CNTNAP2: variants seen among roughly 807,000 people sequenced by gnomAD.
CNTNAP2 encodes contactin associated protein 2.
Under a neutral mutation model 155.2 loss-of-function variants are expected in CNTNAP2, and 98 were observed. The observed-to-expected ratio is 0.63, with a 90% CI of 0.54 to 0.75. The LOEUF is 0.75. Ranked by LOEUF, CNTNAP2 falls within the 30% of genes least tolerant of loss-of-function variation. CNTNAP2 has a pLI of 0.00. For synonymous variants in CNTNAP2, 651 were observed against 631.2 expected, an observed-to-expected ratio of 1.03 and a Z score of -0.47; for missense variants, 1,727 against 1,688.1, an observed-to-expected ratio of 1.02 and a Z score of -0.40.
chr7:147,044,018 A>G lies in CNTNAP2; in HGVS notation c.514A>G (p.Ile172Val), dbSNP rs755330362. 1.2e-6 allele frequency: 2 copies of G among 1,614,172 alleles called. No individual in the cohort carries two copies. Among genetic ancestry groups the G allele is most frequent in the East Asian group, 2.2e-5 (1 of 44,874 alleles). Residue 172 changes from isoleucine to valine, a missense_variant, in exon 4 of 24, where the codon ATT (isoleucine) becomes GTT (valine). By Grantham distance (29) the Ile-to-Val change is conservative (BLOSUM62 3). Coordinates refer to ENST00000361727, the MANE Select transcript of CNTNAP2 (RefSeq NM_014141.6). ...TCTGGATTGGAATGGAGAAGGTCGC[A>G]TTGGACTCAGAATTGAAGTTTATGG... Reference protein sequence around the residue: ...VPLDWNGEGRIGLRIEVYGCS... With the variant: ...VPLDWNGEGRVGLRIEVYGCS...
chr7:147,787,765 C>T (rs1464972108), intron 13 of CNTNAP2, among the ~76,000 whole-genome samples: 2 of 152,158 alleles, frequency 1.3e-5, no homozygotes, highest in Non-Finnish European at 2.9e-5. Flanking sequence ...TAGGCAGCCA[C>T]ATTAGGCAAT....
intron 1 of CNTNAP2, among the ~76,000 whole-genome samples, chr7:146,518,611 G>A (rs1196141922): frequency 1.3e-5 from 2 of 151,634 alleles, no homozygotes; most frequent in Admixed American, 1.3e-4. Context: ...GAAAATATTA[G>A]CAAAAAATTT....
At chr7:146,712,391 A>AGTATACATATTTTATG (rs1293782028) in intron 1 of CNTNAP2, among the ~76,000 whole-genome samples, 1 of 132,170 alleles carries the variant, frequency 7.6e-6, no homozygotes. Flanking sequence ...TATACTATAT[A>AGTATACATATTTTATG]TATAAATAAA....
intron 12 of CNTNAP2, among the ~76,000 whole-genome samples, chr7:147,596,475 C>T (rs193241019): frequency 1.3e-5 from 2 of 152,198 alleles, no homozygotes; most frequent in East Asian, 3.9e-4. Context: ...GATTGTTTTG[C>T]TTCCCTGCTT....
At chr7:146,689,664 T>C (rs1800664069) in intron 1 of CNTNAP2, among the ~76,000 whole-genome samples, 1 of 152,142 alleles carries the variant, frequency 6.6e-6, no homozygotes, top group African/African-American at 2.4e-5. Context: ...TGATGAAATA[T>C]AACAAATTGA....
chr7:146,617,634 C>T (rs1187625900), intron 1 of CNTNAP2, among the ~76,000 whole-genome samples: 4 of 152,114 alleles, frequency 2.6e-5, no homozygotes, highest in Non-Finnish European at 5.9e-5. Flanking sequence ...GAACCGTTTA[C>T]GTTTTTGGCC....
At chr7:147,697,699 C>T (rs1412883335) in intron 13 of CNTNAP2, among the ~76,000 whole-genome samples, 1 of 152,124 alleles carries the variant, frequency 6.6e-6, no homozygotes, top group African/African-American at 2.4e-5. Context: ...GAGACCACAG[C>T]TGTGCATTTC....
chr7:146,201,081 A>AT (rs1798852876), intron 1 of CNTNAP2, among the ~76,000 whole-genome samples: 1 of 152,100 alleles, frequency 6.6e-6, no homozygotes, highest in East Asian at 1.9e-4. Context: ...GCAAAATGAG[A>AT]TTTTCCATAT....
intron 3 of CNTNAP2, among the ~76,000 whole-genome samples, chr7:146,958,407 G>GTTTTTTTTTTTT (rs71165054): frequency 1.3e-5 from 1 of 78,032 alleles, no homozygotes; most frequent in Non-Finnish European, 2.3e-5. Context: ...CATTTTTATG[G>GTTTTTTTTTTTT]TTTTTTTTTT....
At chr7:147,378,579 T>C (rs927412914) in intron 9 of CNTNAP2, among the ~76,000 whole-genome samples, 1 of 151,992 alleles carries the variant, frequency 6.6e-6, no homozygotes, top group Non-Finnish European at 1.5e-5. Flanking sequence ...CTGGAGATAG[T>C]TGAATGATGG....
chr7:147,775,685 A>G (rs1797573946), intron 13 of CNTNAP2, among the ~76,000 whole-genome samples: 1 of 151,832 alleles, frequency 6.6e-6, no homozygotes, highest in South Asian at 2.1e-4. Context: ...CTCAAAAGCT[A>G]TTATGAGCCT....
chr7:146,888,569 C>G (rs1585140275), intron 3 of CNTNAP2, among the ~76,000 whole-genome samples: 1 of 151,812 alleles, frequency 6.6e-6, no homozygotes, highest in Non-Finnish European at 1.5e-5. Context: ...TTCCTAGGAC[C>G]TTTTTCACTT....
chr7:146,481,565 C>G (rs1401655423), intron 1 of CNTNAP2, among the ~76,000 whole-genome samples: 1 of 152,208 alleles, frequency 6.6e-6, no homozygotes, highest in East Asian at 1.9e-4. Context: ...ACCTCCTCAT[C>G]ATCATCATTG....
intron 2 of CNTNAP2, among the ~76,000 whole-genome samples, chr7:146,823,302 T>A (rs1233440967): frequency 6.7e-6 from 1 of 149,916 alleles, no homozygotes; most frequent in African/African-American, 2.4e-5. Flanking sequence ...TTCTTCAGTA[T>A]AATTACATGT....
At chr7:148,261,319 C>A (rs62472772) in intron 20 of CNTNAP2, among the ~76,000 whole-genome samples, 31,931 of 151,986 alleles carry the variant, frequency 0.21, 4,457 homozygotes, top group East Asian at 0.57. Flanking sequence ...CACCACCATG[C>A]CCGGCTAATT....
chr7:148,195,860 G>A (rs1287737468), intron 18 of CNTNAP2, among the ~76,000 whole-genome samples: 2 of 151,820 alleles, frequency 1.3e-5, no homozygotes, highest in Non-Finnish European at 2.9e-5. Flanking sequence ...TATTTCCTGA[G>A]CAATTGAACC....
At chr7:148,370,244 G>A (rs190148501) in intron 21 of CNTNAP2, among the ~76,000 whole-genome samples, 215 of 152,252 alleles carry the variant, frequency 1.4e-3, no homozygotes, top group African/African-American at 4.9e-3. Flanking sequence ...CATTTCCAAA[G>A]CTCTCCGGCT....
intron 13 of CNTNAP2, among the ~76,000 whole-genome samples, chr7:147,732,309 T>C (rs901887877): frequency 6.6e-6 from 1 of 151,902 alleles, no homozygotes; most frequent in Non-Finnish European, 1.5e-5. Flanking sequence ...GTCATTGCGA[T>C]AGTTTGCTCA....
chr7:147,308,223 C>A (rs938603872), intron 9 of CNTNAP2, among the ~76,000 whole-genome samples: 2 of 151,908 alleles, frequency 1.3e-5, no homozygotes, highest in Non-Finnish European at 2.9e-5. Flanking sequence ...GTGCAGGGAG[C>A]GATTAGGAAA....
Sources: gnomAD v4.1 joint callset for allele counts (sites outside exome capture counted in the v4.1 genomes callset) on GRCh38, gnomAD v4.1.1 for gene constraint, MANE v1.5 for transcripts, NCBI Gene and HGNC (gene_info 2026-07-23, HGNC 2026-07-21) for gene names.